Variants in INSR observed in about 807,000 individuals in gnomAD.
INSR encodes insulin receptor.
INSR carries 67 observed loss-of-function variants against 142.6 expected under a neutral mutation model. That is an observed-to-expected ratio of 0.47 (90% CI 0.39 to 0.58). The LOEUF is 0.58. Ranked by LOEUF, INSR falls within the 20% of genes least tolerant of loss-of-function variation. INSR has a pLI of 0.00. For synonymous variants in INSR, 756 were observed against 743.1 expected (o/e 1.02, Z -0.28); for missense variants, 1,248 against 1,833.2 (o/e 0.68, Z 5.83).
rs145145748 is a variant in INSR at position 7,251,298 on chromosome 19, C to G, written c.652+16047G>C. Reference sequence around the variant, plus strand: ...TTTGAGCCAGGGTCTTGCTCTGTCACGCAGGCTGGAGTGCAATATGCAATC... The same window carrying G: ...TTTGAGCCAGGGTCTTGCTCTGTCAGGCAGGCTGGAGTGCAATATGCAATC... On this transcript the variant is annotated intron_variant, in intron 2 of 21. Coordinates refer to ENST00000302850, the MANE Select transcript of INSR (RefSeq NM_000208.4). Among the ~76,000 whole-genome samples the G allele has an allele frequency of 1.8e-3, 280 of 152,204 alleles. 6 individuals are homozygous for G. Among genetic ancestry groups the G allele is most frequent in the African/African-American group, 6.5e-3 (269 of 41,490 alleles).
intron 2 of INSR, among the ~76,000 whole-genome samples, chr19:7,226,386 GCA>G (rs1975781802): frequency 7.5e-6 from 1 of 132,544 alleles, no homozygotes; most frequent in African/African-American, 2.8e-5. Flanking sequence ...CTCCAGCCTG[GCA>G]ACAGAGTGAG....
In INSR at chr19:7,149,936, AGAAGGAAGGAAGGAAGGAAGGAAG is replaced by A. The variant is rs71177162; in HGVS notation, c.2267+537_2267+560del. Among the ~76,000 whole-genome samples, 172 of 144,286 alleles carry A rather than the reference AGAAGGAAGGAAGGAAGGAAGGAAG, an allele frequency of 1.2e-3. 3 individuals are homozygous for A. The highest frequency in any genetic ancestry group is 2.9e-3 in the South Asian group (13 of 4,552). 94.7% of individuals were successfully genotyped at this position (144,286 alleles called of 152,430 possible). ...AAGAAAGAAAGAAGGAAAAAAAGAA[AGAAGGAAGGAAGGAAGGAAGGAAG>A]GAAGGAAGGAAGGAAGGAAGGAAGG... On this transcript the variant is annotated intron_variant, in intron 11 of 21. Transcript: ENST00000302850.
chr19:7,256,700 T>C (rs1976903831), intron 2 of INSR, among the ~76,000 whole-genome samples: 2 of 151,708 alleles, frequency 1.3e-5, no homozygotes, highest in South Asian at 4.2e-4. Flanking sequence ...CACCCCAGCC[T>C]GGACAACAGA....
chr19:7,207,933 GAA>G (rs1975154217), intron 2 of INSR, among the ~76,000 whole-genome samples: 1 of 122,244 alleles, frequency 8.2e-6, no homozygotes, highest in African/African-American at 3.1e-5. Flanking sequence ...AGGAAGGAAG[GAA>G]GGAAGGGAAG....
intron 9 of INSR, among the ~76,000 whole-genome samples, chr19:7,153,184 A>ACC (rs1568449503): frequency 8.7e-4 from 1 of 1,152 alleles, no homozygotes; most frequent in East Asian, 0.023. Flanking sequence ...ACAAACACAC[A>ACC]ACCACACACA....
In INSR at chr19:7,184,657, GAGA is replaced by G. The variant is rs1974374960; in HGVS notation, c.653-23_653-21del. 21 of 1,432,942 alleles carry G rather than the reference GAGA, an allele frequency of 1.5e-5. No individual in the cohort carries two copies. Among genetic ancestry groups the G allele is most frequent in the South Asian group, 5.2e-5 (4 of 77,588 alleles). The allele number at this position is 1,432,942 out of a possible 1,614,324, so 88.8% of individuals were successfully genotyped here. On this transcript the variant is annotated intron_variant, in intron 2 of 21. Coordinates refer to ENST00000302850, the MANE Select transcript of INSR (RefSeq NM_000208.4). The stretch of plus-strand genomic sequence containing the variant: ...GGCAAACTGGAGAGAGAGAGAGAGA[GAGA>G]GGGAAATAAATAAATAAATAAATAA...
chr19:7,263,434 G>A (rs776002923), intron 2 of INSR, among the ~76,000 whole-genome samples: 6 of 152,154 alleles, frequency 3.9e-5, no homozygotes, highest in Non-Finnish European at 8.8e-5. Context: ...TGGGGATACT[G>A]CTACTAATGG....
At chr19:7,144,054 C>CA (rs111357856) in intron 11 of INSR, among the ~76,000 whole-genome samples, 7,893 of 96,188 alleles carry the variant, frequency 0.082, 653 homozygotes, top group African/African-American at 0.24. Flanking sequence ...GACTCTGTCT[C>CA]AAAAAAAAAA....
rs924112789 is a variant in INSR, at chr19:7,114,599, G to A, written c.*2457C>T. 6.6e-6 allele frequency: 1 copy of A among 152,512 alleles called. No individual in the cohort carries two copies. Among genetic ancestry groups the A allele is most frequent in the Non-Finnish European group, 1.5e-5 (1 of 68,036 alleles). 9.4% of individuals were successfully genotyped at this position (152,512 alleles called of 1,614,324 possible). ...CGTTCCCTGATTCAGACCGGTTCCA[G>A]GTAGAATTCTGAAATCTCAAAGATG... is the stretch of plus-strand genomic sequence containing the variant. On this transcript the variant is annotated 3_prime_UTR_variant, in exon 22 of 22. Transcript: ENST00000302850.
chr19:7,293,787 C>T lies in INSR; in HGVS notation c.100+5G>A, dbSNP rs1968562296. The T allele has an allele frequency of 7.4e-7, 1 of 1,360,050 alleles. No individual in the cohort carries two copies. Among genetic ancestry groups the T allele is most frequent in the Non-Finnish European group, 9.5e-7 (1 of 1,051,218 alleles). The allele number at this position is 1,360,050 out of a possible 1,614,324, so 84.2% of individuals were successfully genotyped here. ...CCCCGCCCACGCCCGCGCCCCCAGACTCACCCTCTCCGGGGTACAGGTGGC... is the reference window on the plus strand; with the variant it reads ...CCCCGCCCACGCCCGCGCCCCCAGATTCACCCTCTCCGGGGTACAGGTGGC... On this transcript the variant is annotated splice_donor_5th_base_variant and intron_variant, in intron 1 of 21. Coordinates refer to ENST00000302850, the MANE Select transcript of INSR (RefSeq NM_000208.4).
At chr19:7,144,064 A>AG (rs1281183048) in intron 11 of INSR, among the ~76,000 whole-genome samples, 3 of 151,932 alleles carry the variant, frequency 2.0e-5, no homozygotes, top group East Asian at 1.9e-4. Flanking sequence ...CAAAAAAAAA[A>AG]AAAAGAAAAG....
At position 7,115,001 on chromosome 19, in the gene INSR, C is replaced by T. The variant is rs1285061933; in HGVS notation, c.*2055G>A. ...TACTCTTGCTTCTTGTACCCAATCA[C>T]TGAGGCTCCTCAGCAATATTTTTAC... On this transcript the variant is annotated 3_prime_UTR_variant, in exon 22 of 22. Transcript: ENST00000302850. 6.6e-6 allele frequency: 1 copy of T among 152,088 alleles called. No individual in the cohort carries two copies. The highest frequency in any genetic ancestry group is 2.4e-5 in the African/African-American group (1 of 41,410). The allele number at this position is 152,088 out of a possible 1,614,324, so 9.4% of individuals were successfully genotyped here. A position where few individuals can be genotyped will look rare whatever the true frequency, so the allele number is the denominator to read the frequency against.
At chr19:7,266,467 C>A (rs1967734458) in intron 2 of INSR, among the ~76,000 whole-genome samples, 1 of 150,844 alleles carries the variant, frequency 6.6e-6, no homozygotes, top group African/African-American at 2.4e-5. Context: ...CTCACTGCAA[C>A]CTCCGCCTCC....
At chr19:7,282,615 G>C (rs1189175893) in intron 1 of INSR, among the ~76,000 whole-genome samples, 1 of 149,862 alleles carries the variant, frequency 6.7e-6, no homozygotes, top group South Asian at 2.1e-4. Flanking sequence ...CCTGGAGGCG[G>C]AGGTTGCAGT....
At chr19:7,158,971 C>T (rs368042045) in intron 9 of INSR, among the ~76,000 whole-genome samples, 1 of 152,000 alleles carries the variant, frequency 6.6e-6, no homozygotes, top group Admixed American at 6.6e-5. Context: ...GGCGTGATCT[C>T]GGCTCACTGC....
chr19:7,178,305 T>G, intron 3 of INSR, among the ~76,000 whole-genome samples: 1 of 145,152 alleles, frequency 6.9e-6, no homozygotes, highest in Non-Finnish European at 1.5e-5. Context: ...AACAACCCTG[T>G]GATCAGAGGG....
intron 2 of INSR, among the ~76,000 whole-genome samples, chr19:7,209,319 T>C (rs1403936557): frequency 6.6e-6 from 1 of 152,118 alleles, no homozygotes; most frequent in Non-Finnish European, 1.5e-5. Context: ...AATGCATCGC[T>C]CTCACCTCTC....
chr19:7,293,008 T>C (rs1968537327), intron 1 of INSR, among the ~76,000 whole-genome samples: 1 of 152,138 alleles, frequency 6.6e-6, no homozygotes, highest in Non-Finnish European at 1.5e-5. Context: ...AAGGGAGTTA[T>C]GCGTCCTACA....
chr19:7,233,505 C>T (rs1026176907), intron 2 of INSR, among the ~76,000 whole-genome samples: 1 of 151,990 alleles, frequency 6.6e-6, no homozygotes, highest in Non-Finnish European at 1.5e-5. Context: ...AGCCCTGACC[C>T]CGAGTGCTGG....
Sources: gnomAD v4.1 joint callset for allele counts (sites outside exome capture counted in the v4.1 genomes callset) on GRCh38, gnomAD v4.1.1 for gene constraint, MANE v1.5 for transcripts, NCBI Gene and HGNC (gene_info 2026-07-23, HGNC 2026-07-21) for gene names.